Variants in FSTL4 observed in about 807,000 individuals in gnomAD.
FSTL4 encodes follistatin-related protein 4.
In FSTL4, 28 loss-of-function variants were observed where a neutral mutation model predicts 78.2. That is an observed-to-expected ratio of 0.36 (90% CI 0.27 to 0.49). FSTL4 has a LOEUF of 0.49. FSTL4 is among the 20% of genes least tolerant of loss of function. FSTL4 has a pLI of 0.98. For synonymous variants in FSTL4, 422 were observed against 440.5 expected (o/e 0.96, Z 0.53); for missense variants, 922 against 1,084.9 (o/e 0.85, Z 2.11).
At chr5:133,566,176 C>G (rs897039144) in intron 3 of FSTL4, among the ~76,000 whole-genome samples, 1 of 152,164 alleles carries the variant, frequency 6.6e-6, no homozygotes, top group Non-Finnish European at 1.5e-5. Context: ...GGATCCAGCA[C>G]CATGGACAGC....
chr5:133,329,880 T>A (rs964401464), intron 4 of FSTL4, among the ~76,000 whole-genome samples: 1 of 152,216 alleles, frequency 6.6e-6, no homozygotes, highest in Non-Finnish European at 1.5e-5. Flanking sequence ...TTACTATTAC[T>A]TGAGCCTAGA....
rs71585575 is a variant in FSTL4, at chr5:133,230,004, T to G, written c.1015+3413A>C. Among the ~76,000 whole-genome samples, 892 of 152,320 alleles carry G rather than the reference T, an allele frequency of 5.9e-3. 5 individuals are homozygous for G. The highest frequency in any genetic ancestry group is 0.014 in the East Asian group (75 of 5,176). On this transcript the variant is annotated intron_variant, in intron 8 of 15. Transcript: ENST00000265342. ...TAGGGAACAGACTCCACCCTCTCACTTCACCCAGGAAGTGCTTCCTGATGT... is the reference window on the plus strand; with the variant it reads ...TAGGGAACAGACTCCACCCTCTCACGTCACCCAGGAAGTGCTTCCTGATGT...
chr5:133,342,913 C>A (rs979888253), intron 4 of FSTL4, among the ~76,000 whole-genome samples: 112 of 152,190 alleles, frequency 7.4e-4, no homozygotes, highest in Non-Finnish European at 1.5e-3. Context: ...CCCAGAATAC[C>A]CTGGTTTCTG....
intron 4 of FSTL4, among the ~76,000 whole-genome samples, chr5:133,392,196 A>C (rs1243660966): frequency 6.6e-6 from 1 of 152,114 alleles, no homozygotes; most frequent in Non-Finnish European, 1.5e-5. Flanking sequence ...GGTGGGATGG[A>C]CCATCCCAGG....
intron 2 of FSTL4, among the ~76,000 whole-genome samples, chr5:133,592,679 G>C (rs1243446115): frequency 1.3e-5 from 2 of 152,182 alleles, no homozygotes; most frequent in South Asian, 4.1e-4. Context: ...CAATGAGTGA[G>C]TCCTACCCTA....
intron 4 of FSTL4, among the ~76,000 whole-genome samples, chr5:133,360,472 AATTTTTT>A (rs1755043721): frequency 9.0e-6 from 1 of 111,174 alleles, no homozygotes; most frequent in Non-Finnish European, 1.8e-5. Flanking sequence ...TTCAGGCAAT[AATTTTTT>A]TTTTTTTTTT....
intron 4 of FSTL4, among the ~76,000 whole-genome samples, chr5:133,330,357 G>T (rs1173304565): frequency 6.6e-6 from 1 of 152,222 alleles, no homozygotes; most frequent in Non-Finnish European, 1.5e-5. Context: ...CTTCTGGTGA[G>T]GCCTCAGGAA....
chr5:133,613,235 T>C (rs954811206), upstream of FSTL4, among the ~76,000 whole-genome samples: 1 of 152,194 alleles, frequency 6.6e-6, no homozygotes, highest in Admixed American at 6.5e-5. Context: ...CCTTCCCGAA[T>C]GAACTGGAAA....
At chr5:133,387,829 C>A (rs774642379) in intron 4 of FSTL4, 2 of 152,072 alleles carry the variant, frequency 1.3e-5, no homozygotes, top group African/African-American at 4.8e-5. Context: ...GATGAAGGCA[C>A]GGGGAGGCCC....
intron 8 of FSTL4, among the ~76,000 whole-genome samples, chr5:133,232,400 G>A (rs909903972): frequency 6.6e-6 from 1 of 151,120 alleles, no homozygotes; most frequent in Admixed American, 6.6e-5. Flanking sequence ...TGGCTTGAAC[G>A]TTTTCTCTGG....
intron 6 of FSTL4, among the ~76,000 whole-genome samples, chr5:133,307,433 ACT>A (rs1753680453): frequency 2.0e-5 from 3 of 151,946 alleles, no homozygotes; most frequent in Non-Finnish European, 4.4e-5. Context: ...CTAAATCCTG[ACT>A]CTGCTACCTG....
chr5:133,627,499 G>T, the FSTL4 span, among the ~76,000 whole-genome samples: 1 of 152,166 alleles, frequency 6.6e-6, no homozygotes, highest in Non-Finnish European at 1.5e-5. Flanking sequence ...TATGAGAGCT[G>T]CAATTCAAGA....
chr5:133,601,654 TTTTC>T (rs1561483291), intron 2 of FSTL4, among the ~76,000 whole-genome samples: 1 of 151,486 alleles, frequency 6.6e-6, no homozygotes, highest in African/African-American at 2.4e-5. Flanking sequence ...GTTTTCTTTT[TTTTC>T]CTTCGAGTTT....
intron 3 of FSTL4, among the ~76,000 whole-genome samples, chr5:133,521,285 G>T (rs1375137267): frequency 3.9e-5 from 6 of 152,218 alleles, no homozygotes; most frequent in Non-Finnish European, 8.8e-5. Context: ...CAGAGATTCA[G>T]CTGAGCAGTC....
intron 3 of FSTL4, among the ~76,000 whole-genome samples, chr5:133,518,021 A>ATGTC (rs1420694736): frequency 3.3e-5 from 5 of 152,364 alleles, no homozygotes; most frequent in Non-Finnish European, 7.3e-5. Flanking sequence ...ATCTAGAATA[A>ATGTC]TGTCTGACCA....
At chr5:133,217,186 C>T (rs1750936655) in intron 13 of FSTL4, 43 bp downstream of exon 13, 1 of 1,554,230 alleles carries the variant, frequency 6.4e-7, no homozygotes, top group Non-Finnish European at 8.8e-7. Flanking sequence ...GCAGGCTGTG[C>T]CCCAGAATTT....
chr5:133,471,150 AT>A (rs919704258), intron 3 of FSTL4, among the ~76,000 whole-genome samples: 1 of 152,136 alleles, frequency 6.6e-6, no homozygotes, highest in Non-Finnish European at 1.5e-5. Context: ...TTCATCATGG[AT>A]TTTTTTGCAT....
intron 6 of FSTL4, among the ~76,000 whole-genome samples, chr5:133,252,846 G>A (rs1448769963): frequency 6.6e-6 from 1 of 152,174 alleles, no homozygotes; most frequent in Non-Finnish European, 1.5e-5. Context: ...AGTCTTCTGT[G>A]TCCCTCCGGT....
chr5:133,796,717 G>C, the FSTL4 span, among the ~76,000 whole-genome samples: 1 of 152,028 alleles, frequency 6.6e-6, no homozygotes, highest in Non-Finnish European at 1.5e-5. Flanking sequence ...TCTGGAGCCT[G>C]TGGTTCAGGG....
Sources: gnomAD v4.1 joint callset for allele counts (sites outside exome capture counted in the v4.1 genomes callset) on GRCh38, gnomAD v4.1.1 for gene constraint, MANE v1.5 for transcripts, NCBI Gene and HGNC (gene_info 2026-07-23, HGNC 2026-07-21) for gene names.